The following CDH8 variants were observed in gnomAD, a reference collection of about 807,000 sequenced individuals.
CDH8 encodes the protein cadherin 8, also known as cadherin-8.
In CDH8, 17 loss-of-function variants were observed where a neutral mutation model predicts 68.1. That is an observed-to-expected ratio of 0.25 (90% CI 0.17 to 0.37). The LOEUF (loss-of-function observed/expected upper bound fraction) is 0.37. Among genes scored for constraint, CDH8 ranks in the 10% least tolerant of loss-of-function variants. The pLI, the probability that CDH8 is intolerant of heterozygous loss-of-function variation, is 1.00. For synonymous variants in CDH8, 372 were observed against 365.1 expected, an observed-to-expected ratio of 1.02 and a Z score of -0.21; for missense variants, 763 against 999.3, an observed-to-expected ratio of 0.76 and a Z score of 3.19.
chr16:61,720,983 A>G lies in CDH8; in HGVS notation c.1536+6111T>C, dbSNP rs558224445. Among the ~76,000 whole-genome samples the G allele has an allele frequency of 4.0e-5, 6 of 150,814 alleles. No homozygotes were observed. The East Asian group carries it at 9.8e-4, about 25-fold the overall frequency. ...TATGTATTTGTATATCTATATATCT[A>G]TATCTATCTAGTTATTCTGAAGATT... On this transcript the variant is annotated intron_variant, in intron 9 of 11. Coordinates refer to ENST00000577390, the MANE Select transcript of CDH8 (RefSeq NM_001796.5).
intron 9 of CDH8, among the ~76,000 whole-genome samples, chr16:61,716,854 G>A (rs1033442472): frequency 2.0e-5 from 3 of 151,714 alleles, no homozygotes; most frequent in African/African-American, 7.3e-5. Context: ...CCATTAAAAT[G>A]CATTAAGATA....
At chr16:61,725,205 T>A (rs1172125464) in intron 9 of CDH8, 3 of 150,868 alleles carry the variant, frequency 2.0e-5, no homozygotes, top group African/African-American at 7.3e-5. Flanking sequence ...AAAGAATCAA[T>A]TTTTTATTTT....
chr16:61,962,890 A>C (rs1965183093), intron 2 of CDH8, among the ~76,000 whole-genome samples: 1 of 152,178 alleles, frequency 6.6e-6, no homozygotes, highest in Non-Finnish European at 1.5e-5. Flanking sequence ...AGAGAAATAA[A>C]GCAAAGTTAT....
intron 2 of CDH8, among the ~76,000 whole-genome samples, chr16:62,007,776 T>A (rs1446927222): frequency 6.6e-6 from 1 of 152,024 alleles, no homozygotes; most frequent in African/African-American, 2.4e-5. Context: ...CCTCTTTCTC[T>A]CTGGGGACTA....
chr16:61,731,259 G>T (rs1448445249), intron 8 of CDH8, among the ~76,000 whole-genome samples: 2 of 151,648 alleles, frequency 1.3e-5, no homozygotes, highest in African/African-American at 4.8e-5. Flanking sequence ...GGAGAGAGAG[G>T]CTAGTTGCCA....
chr16:62,020,496 G>GCACA lies in CDH8; in HGVS notation c.252+655_252+656insTGTG, dbSNP rs1350783797. Among the ~76,000 whole-genome samples, 4 of 82,188 alleles carry GCACA rather than the reference G, an allele frequency of 4.9e-5. 1 individual carries two copies. In the East Asian group the frequency reaches 3.1e-3, roughly 63 times the overall value. The allele number at this position is 82,188 out of a possible 152,430, so 53.9% of individuals were successfully genotyped here. ...TCCAGTCTAACACACACACGCGCGC[G>GCACA]CGCACACACACACACACACACACAC... On this transcript the variant is annotated intron_variant, in intron 2 of 11. Transcript: ENST00000577390.
intron 2 of CDH8, among the ~76,000 whole-genome samples, chr16:61,916,150 A>G (rs568181885): frequency 9.2e-5 from 14 of 152,342 alleles, no homozygotes; most frequent in African/African-American, 3.4e-4. Flanking sequence ...AAGTATTTCT[A>G]TATATTTGAG....
intron 10 of CDH8, among the ~76,000 whole-genome samples, chr16:61,696,596 T>C (rs1014198924): frequency 1.3e-5 from 2 of 152,166 alleles, no homozygotes; most frequent in African/African-American, 4.8e-5. Context: ...GACCCAGCAT[T>C]TCCATTATTG....
At chr16:61,685,198 A>T (rs1964084494) in intron 10 of CDH8, among the ~76,000 whole-genome samples, 1 of 151,828 alleles carries the variant, frequency 6.6e-6, no homozygotes, top group African/African-American at 2.4e-5. Flanking sequence ...AAAAAAAAAA[A>T]ACCTACAGAT....
intron 2 of CDH8, among the ~76,000 whole-genome samples, chr16:62,017,858 C>T (rs1901978981): frequency 6.6e-6 from 1 of 152,100 alleles, no homozygotes; most frequent in African/African-American, 2.4e-5. Context: ...ACCCCCGGGC[C>T]AGTGACTCTT....
At chr16:61,723,579 T>C (rs982055674) in intron 9 of CDH8, among the ~76,000 whole-genome samples, 7 of 150,792 alleles carry the variant, frequency 4.6e-5, no homozygotes, top group Non-Finnish European at 8.9e-5. Context: ...TTTAATTAAA[T>C]GTTTGCCAGA....
intron 2 of CDH8, among the ~76,000 whole-genome samples, chr16:61,978,837 G>A (rs921802224): frequency 7.9e-5 from 12 of 152,142 alleles, no homozygotes; most frequent in African/African-American, 2.9e-4. Context: ...TGCATTCCCT[G>A]TGTATGGAGC....
chr16:61,882,155 A>T (rs1208099233), intron 3 of CDH8, among the ~76,000 whole-genome samples: 1 of 152,216 alleles, frequency 6.6e-6, no homozygotes, highest in East Asian at 1.9e-4. Context: ...CTTTCTAACC[A>T]TTGCCAAAAG....
chr16:61,966,132 G>A (rs1299313291), intron 2 of CDH8, among the ~76,000 whole-genome samples: 2 of 152,140 alleles, frequency 1.3e-5, no homozygotes, highest in African/African-American at 4.8e-5. Context: ...TTGAAGAGAA[G>A]AGTATAAAAC....
At chr16:61,675,002 A>G (rs1342990035) in intron 10 of CDH8, among the ~76,000 whole-genome samples, 2 of 152,096 alleles carry the variant, frequency 1.3e-5, no homozygotes, top group Admixed American at 6.5e-5. Context: ...TATACGTGTA[A>G]TCAGAGTCCC....
At chr16:61,883,247 A>G (rs1963611443) in intron 3 of CDH8, among the ~76,000 whole-genome samples, 1 of 152,214 alleles carries the variant, frequency 6.6e-6, no homozygotes, top group South Asian at 2.1e-4. Flanking sequence ...CACTCTAGGT[A>G]TGCAAGCAAT....
intron 10 of CDH8, among the ~76,000 whole-genome samples, chr16:61,684,220 A>G (rs1394556605): frequency 1.3e-5 from 2 of 152,004 alleles, no homozygotes; most frequent in African/African-American, 2.4e-5. Context: ...GTATGTTCTT[A>G]TCTTTCTGAG....
rs76267226 is a variant in CDH8 at position 61,988,233 on chromosome 16, C to T, written c.252+32919G>A. 6.7e-3 allele frequency among the ~76,000 whole-genome samples: 755 copies of T among 112,948 alleles called. 8 individuals carry two copies. The highest frequency in any genetic ancestry group is 0.017 in the African/African-American group (675 of 40,424). 74.1% of individuals were successfully genotyped at this position (112,948 alleles called of 152,430 possible). ...TTTAAAAAATAACAAAACACAAAGC[C>T]TAATGCAGTGCCCAAGCAACACTCC... On this transcript the variant is annotated intron_variant, in intron 2 of 11. Coordinates refer to ENST00000577390, the MANE Select transcript of CDH8 (RefSeq NM_001796.5).
At position 61,684,443 on chromosome 16, in the gene CDH8, G is replaced by C. The variant is rs140589050; in HGVS notation, c.1655-28722C>G. Among the ~76,000 whole-genome samples the C allele has an allele frequency of 3.1e-4, 47 of 152,042 alleles. No individual in the cohort carries two copies. The East Asian group carries it at 8.4e-3, about 27-fold the overall frequency. ...GATATAGCAAGAAAAAATCCAGATAGAGCTTAATATCTGATGGAAGACACA... is the reference window on the plus strand; with the variant it reads ...GATATAGCAAGAAAAAATCCAGATACAGCTTAATATCTGATGGAAGACACA... On this transcript the variant is annotated intron_variant, in intron 10 of 11. Transcript: ENST00000577390.
Sources: gnomAD v4.1 joint callset for allele counts (sites outside exome capture counted in the v4.1 genomes callset) on GRCh38, gnomAD v4.1.1 for gene constraint, MANE v1.5 for transcripts, NCBI Gene and HGNC (gene_info 2026-07-23, HGNC 2026-07-21) for gene names.